Variants in TMEM237 observed in about 807,000 individuals in gnomAD.
TMEM237 encodes the protein amyotrophic lateral sclerosis 2 (juvenile) chromosome region, candidate 4.
TMEM237 carries 51 observed loss-of-function variants against 59.1 expected under a neutral mutation model. That is an observed-to-expected ratio of 0.86 (90% CI 0.69 to 1.09). TMEM237 has a LOEUF of 1.09. TMEM237 is among the 50% of genes least tolerant of loss of function. The pLI is 0.00. For synonymous variants in TMEM237, 140 were observed against 166.1 expected (o/e 0.84, Z 1.21); for missense variants, 475 against 478.3 (o/e 0.99, Z 0.06).
intron 5 of TMEM237, 56 bp downstream of exon 5, chr2:201,636,692 T>A: frequency 6.5e-7 from 1 of 1,533,310 alleles, no homozygotes; most frequent in South Asian, 1.2e-5. Flanking sequence ...GAGGTTTTTA[T>A]CATGTCATCA....
At chr2:201,625,595 A>ATT (rs1275433405) in intron 12 of TMEM237, among the ~76,000 whole-genome samples, 2 of 152,314 alleles carry the variant, frequency 1.3e-5, no homozygotes, top group East Asian at 3.9e-4. Context: ...CTGTTAGCCA[A>ATT]TGAACGGTTA....
intron 1 of TMEM237, chr2:201,642,695 T>C (rs1687451411): frequency 6.3e-7 from 1 of 1,590,494 alleles, no homozygotes; most frequent in Non-Finnish European, 8.5e-7. Context: ...CCCGGCTCGG[T>C]CGCGCGCGCA....
chr2:201,636,953 G>A (rs2105902447), intron 4 of TMEM237, 68 bp from the exon 5 acceptor site: 1 of 1,465,372 alleles, frequency 6.8e-7, no homozygotes, highest in African/African-American at 1.4e-5. Flanking sequence ...TAAAAAGATG[G>A]AGGAAAAGGT....
intron 1 of TMEM237, chr2:201,642,814 C>G: frequency 7.4e-7 from 1 of 1,358,674 alleles, no homozygotes; most frequent in Non-Finnish European, 9.4e-7. Flanking sequence ...CCAGTCCAGA[C>G]TAGCCCTGCC....
chr2:201,641,423 A>C (rs1285428504), intron 1 of TMEM237, among the ~76,000 whole-genome samples: 1 of 152,090 alleles, frequency 6.6e-6, no homozygotes. Flanking sequence ...AAACATGGGC[A>C]ATTTAAAATT....
At position 201,629,796 on chromosome 2, in the gene TMEM237, C is replaced by CATCT. The variant is rs2105899220; in HGVS notation, c.606_609dup (p.Val204ArgfsTer87). The CATCT allele has an allele frequency of 5.6e-6, 9 of 1,613,572 alleles. No homozygotes were observed. Among genetic ancestry groups the CATCT allele is most frequent in the Non-Finnish European group, 7.6e-6 (9 of 1,179,822 alleles). ...CAGGAAGGCTTCACGTCCATTGACA[C>CATCT]ATCTATGTTTTCTGTGGTCTTTATC... On this transcript the variant is annotated frameshift_variant, in exon 8 of 13. Coordinates refer to ENST00000409883, the MANE Select transcript of TMEM237 (RefSeq NM_001044385.3). LOFTEE classifies it high-confidence loss of function.
chr2:201,642,945 G>A, intron 1 of TMEM237: 5 of 1,323,320 alleles, frequency 3.8e-6, no homozygotes, highest in Non-Finnish European at 4.8e-6. Flanking sequence ...TTTGCGGGAA[G>A]CGGGGCGTGA....
At chr2:201,627,174 C>A in intron 11 of TMEM237, 147 bp downstream of exon 11, 2 of 572,478 alleles carry the variant, frequency 3.5e-6, no homozygotes, top group South Asian at 2.5e-5. Context: ...AATAGTTACC[C>A]ATTAACCAAA....
intron 4 of TMEM237, 92 bp from the exon 5 acceptor site, chr2:201,636,977 C>G: frequency 1.5e-6 from 2 of 1,295,112 alleles, no homozygotes; most frequent in South Asian, 1.5e-5. Flanking sequence ...TAGAATGTTT[C>G]CTATAGAATA....
chr2:201,623,282 C>A lies in TMEM237; in HGVS notation c.*973G>T. ...TTTTTCCCATAGCTAGTCTTCTCCT[C>A]AACTTGAGCTTTAGGGTCTCATATA... On this transcript the variant is annotated 3_prime_UTR_variant, in exon 13 of 13. Transcript: ENST00000409883. The A allele has an allele frequency of 4.9e-6, 2 of 408,826 alleles. No homozygotes were observed. Among genetic ancestry groups the A allele is most frequent in the South Asian group, 3.7e-5 (2 of 53,926 alleles). The allele number at this position is 408,826 out of a possible 1,614,324, so 25.3% of individuals were successfully genotyped here.
intron 11 of TMEM237, 100 bp downstream of exon 11, chr2:201,627,221 A>C: frequency 1.2e-6 from 1 of 824,982 alleles, no homozygotes; most frequent in Non-Finnish European, 1.9e-6. Flanking sequence ...TTGGAAACAA[A>C]AACAGAGCCT....
At position 201,629,220 on chromosome 2, in the gene TMEM237, T is replaced by A. The variant is rs376868416; in HGVS notation, c.869+10A>T. 3 of 1,535,412 alleles carry A rather than the reference T, an allele frequency of 2.0e-6. No homozygotes were observed. In the South Asian group the frequency reaches 4.0e-5, roughly 21 times the overall value. On this transcript the variant is annotated intron_variant, in intron 9 of 12. Transcript: ENST00000409883. Reference sequence around the variant, plus strand: ...AAGAAGTTAGACAGATCTGGAGTCATAGGCATTACCTGTCAAAAGCTGAAA... The same window carrying A: ...AAGAAGTTAGACAGATCTGGAGTCAAAGGCATTACCTGTCAAAAGCTGAAA...
In TMEM237 at chr2:201,636,961, GGTAACTA is replaced by G. The variant is rs2105902457; in HGVS notation, c.137-83_137-77del. 55 of 1,422,860 alleles carry G rather than the reference GGTAACTA, an allele frequency of 3.9e-5. No individual in the cohort carries two copies. The South Asian group carries it at 6.7e-4, about 17-fold the overall frequency. The allele number at this position is 1,422,860 out of a possible 1,614,324, so 88.1% of individuals were successfully genotyped here. Reference sequence around the variant, plus strand: ...TGAATCTTAAAAAGATGGAGGAAAAGGTAACTAGAATGTTTCCTATAGAATAACCCCA... The same window carrying G: ...TGAATCTTAAAAAGATGGAGGAAAAGGAATGTTTCCTATAGAATAACCCCA... On this transcript the variant is annotated intron_variant, in intron 4 of 12. Coordinates refer to ENST00000409883, the MANE Select transcript of TMEM237 (RefSeq NM_001044385.3).
Position 201,642,444 on chromosome 2 carries a change from A to G in TMEM237, c.42+915T>C, listed in dbSNP as rs1302327870. ...CGCTATTGTTCTAAAGATGCTACGA[A>G]GCGCGCGCGATCGATCCCAGGGCTC... On this transcript the variant is annotated intron_variant, in intron 1 of 12. Transcript: ENST00000409883. 3.3e-5 allele frequency among the ~76,000 whole-genome samples: 5 copies of G among 152,174 alleles called. No individual in the cohort carries two copies. In the East Asian group the frequency reaches 7.7e-4, roughly 23 times the overall value.
chr2:201,624,392 ATTT>A, intron 12 of TMEM237, 70 bp from the exon 13 acceptor site: 1 of 1,133,692 alleles, frequency 8.8e-7, no homozygotes, highest in Non-Finnish European at 1.3e-6. Flanking sequence ...TGTATAGCTT[ATTT>A]ATAAATAGTC....
chr2:201,624,226 G>A lies in TMEM237; in HGVS notation c.*29C>T. ...AAAACAAAAATGGGACAAATACTGG[G>A]TCATTATTCCTCCAAAGGTGAGCTG... On this transcript the variant is annotated 3_prime_UTR_variant, in exon 13 of 13. Coordinates refer to ENST00000409883, the MANE Select transcript of TMEM237 (RefSeq NM_001044385.3). 6.4e-7 allele frequency: 1 copy of A among 1,569,324 alleles called. No individual in the cohort carries two copies. Among genetic ancestry groups the A allele is most frequent in the East Asian group, 2.3e-5 (1 of 44,350 alleles).
At position 201,621,923 on chromosome 2, in the gene TMEM237, A is replaced by C. The variant is rs891665779; in HGVS notation, c.*2332T>G. 1 of 152,462 alleles carries C rather than the reference A, an allele frequency of 6.6e-6. No homozygotes were observed. Among genetic ancestry groups the C allele is most frequent in the Non-Finnish European group, 1.5e-5 (1 of 68,050 alleles). 9.4% of individuals were successfully genotyped at this position (152,462 alleles called of 1,614,324 possible). A position where few individuals can be genotyped will look rare whatever the true frequency, so the allele number is the denominator to read the frequency against. On this transcript the variant is annotated 3_prime_UTR_variant, in exon 13 of 13. Coordinates refer to ENST00000409883, the MANE Select transcript of TMEM237 (RefSeq NM_001044385.3). ...CATTCCCTGCTTCCTGGAGACATGC[A>C]TTAGCAGTGAACTTCTTCCAAACTT...
intron 1 of TMEM237, 72 bp from the exon 2 acceptor site, chr2:201,640,996 A>ATTTT: frequency 3.7e-6 from 4 of 1,075,008 alleles, no homozygotes; most frequent in South Asian, 1.8e-5. Context: ...CCATCACGCT[A>ATTTT]TTTTTTTTTT....
intron 5 of TMEM237, among the ~76,000 whole-genome samples, chr2:201,633,952 A>C (rs1182723411): frequency 6.6e-6 from 1 of 152,236 alleles, no homozygotes; most frequent in Non-Finnish European, 1.5e-5. Flanking sequence ...CATCAGAGAC[A>C]GTGCCCAAGG....
Sources: allele counts gnomAD v4.1 joint callset (sites outside exome capture counted in the v4.1 genomes callset), GRCh38; gene constraint gnomAD v4.1.1; transcripts MANE v1.5; gene names NCBI Gene and HGNC (gene_info 2026-07-23, HGNC 2026-07-21).